Variants in AP4E1 observed in about 807,000 individuals in gnomAD.
AP4E1 encodes AP-4 complex subunit epsilon-1.
AP4E1 carries 56 observed loss-of-function variants against 128.2 expected under a neutral mutation model. The ratio of observed to expected loss-of-function variants is 0.44; its 90% confidence interval spans 0.35 to 0.55. The LOEUF (loss-of-function observed/expected upper bound fraction) is 0.55. Ranked by LOEUF, AP4E1 falls within the 20% of genes least tolerant of loss-of-function variation. The pLI is 0.00. For synonymous variants in AP4E1, 484 were observed against 473.1 expected (o/e 1.02, Z -0.30); for missense variants, 1,324 against 1,307.7 (o/e 1.01, Z -0.19).
chr15:50,946,332 TTA>T (rs2064061643), intron 10 of AP4E1, among the ~76,000 whole-genome samples: 1 of 152,216 alleles, frequency 6.6e-6, no homozygotes, highest in Non-Finnish European at 1.5e-5. Context: ...CAAACGTCTC[TTA>T]TGTTATCTTT....
chr15:50,969,255 C>T (rs576063149), intron 15 of AP4E1, among the ~76,000 whole-genome samples: 7 of 152,226 alleles, frequency 4.6e-5, no homozygotes, highest in Admixed American at 1.3e-4. Flanking sequence ...CGAGAACATG[C>T]GGTATTTGGC....
chr15:50,993,416 G>A lies in AP4E1; in HGVS notation c.2137G>A (p.Glu713Lys), dbSNP rs2064828330. 1.9e-6 allele frequency: 3 copies of A among 1,613,904 alleles called. No homozygotes were observed. The highest frequency in any genetic ancestry group is 2.5e-6 in the Non-Finnish European group (3 of 1,179,964). ...AGGTATAAAGAAATTGTGGGGGAAAGAAGGCTATCTTCCCAAGAAGGAAAG... is the reference window on the plus strand; with the variant it reads ...AGGTATAAAGAAATTGTGGGGGAAAAAAGGCTATCTTCCCAAGAAGGAAAG... ...LEGIKKLWGK[E>K]GYLPKKESKT... The change falls in exon 17 of 21, where the codon GAA becomes AAA. Residue 713 changes from glutamate (E) to lysine (K), a missense_variant. Coordinates refer to ENST00000261842, the MANE Select transcript of AP4E1 (RefSeq NM_007347.5).
intron 10 of AP4E1, among the ~76,000 whole-genome samples, 164 bp downstream of exon 10, chr15:50,941,939 C>T (rs1449324689): frequency 2.0e-5 from 3 of 152,112 alleles, no homozygotes; most frequent in Non-Finnish European, 4.4e-5. Context: ...TATTTTGAGA[C>T]AGAATCTCAC....
intron 13 of AP4E1, among the ~76,000 whole-genome samples, chr15:50,950,545 G>A (rs1329382990): frequency 6.6e-6 from 1 of 151,836 alleles, no homozygotes; most frequent in Non-Finnish European, 1.5e-5. Context: ...TCTTTAAGAG[G>A]CATTTTCAAC....
intron 13 of AP4E1, among the ~76,000 whole-genome samples, chr15:50,951,484 A>G (rs574574474): frequency 4.1e-4 from 63 of 152,262 alleles, no homozygotes; most frequent in Non-Finnish European, 7.2e-4. Context: ...AATTGCATAC[A>G]GGTCATTACC....
At chr15:50,984,812 G>GGTAT (rs2064694897) in intron 16 of AP4E1, among the ~76,000 whole-genome samples, 1 of 151,976 alleles carries the variant, frequency 6.6e-6, no homozygotes, top group African/African-American at 2.4e-5. Context: ...TACTCCTTTG[G>GGTAT]GTATATACCC....
At chr15:50,996,571 A>G (rs2140933334) in intron 17 of AP4E1, among the ~76,000 whole-genome samples, 1 of 152,262 alleles carries the variant, frequency 6.6e-6, no homozygotes, top group East Asian at 1.9e-4. Context: ...CATGTAAAGG[A>G]TGCTGTGTAG....
intron 2 of AP4E1, among the ~76,000 whole-genome samples, chr15:50,915,175 A>G (rs1226642571): frequency 6.6e-6 from 1 of 152,206 alleles, no homozygotes; most frequent in South Asian, 2.1e-4. Flanking sequence ...ATTTTTCACT[A>G]GGGACACATA....
intron 12 of AP4E1, 21 bp from the exon 13 acceptor site, chr15:50,950,030 G>A: frequency 1.3e-6 from 2 of 1,590,972 alleles, no homozygotes; most frequent in Non-Finnish European, 1.7e-6. Context: ...AAATTAAAAT[G>A]GTGTATCAAT....
intron 8 of AP4E1, among the ~76,000 whole-genome samples, chr15:50,937,535 A>G (rs997928977): frequency 8.5e-5 from 13 of 152,348 alleles, no homozygotes; most frequent in Admixed American, 7.8e-4. Context: ...TAGTGGAAAG[A>G]TAACTTGTTC....
At chr15:50,997,929 T>G (rs951493871) in intron 18 of AP4E1, 46 bp downstream of exon 18, 13 of 1,456,440 alleles carry the variant, frequency 8.9e-6, no homozygotes, top group Non-Finnish European at 1.2e-5. Flanking sequence ...GTATATTTTG[T>G]GTTCTCTTTT....
chr15:50,942,952 G>A (rs1380464384), intron 10 of AP4E1, among the ~76,000 whole-genome samples: 2 of 152,016 alleles, frequency 1.3e-5, no homozygotes, highest in Non-Finnish European at 2.9e-5. Flanking sequence ...GACATTTTAT[G>A]TAATGCTGAG....
intron 17 of AP4E1, among the ~76,000 whole-genome samples, chr15:50,996,341 C>T (rs1225318777): frequency 6.6e-6 from 1 of 151,832 alleles, no homozygotes; most frequent in African/African-American, 2.4e-5. Flanking sequence ...CTGAAAATAA[C>T]TACTATTTGA....
intron 7 of AP4E1, among the ~76,000 whole-genome samples, chr15:50,932,091 C>T (rs1324583368): frequency 2.0e-5 from 3 of 151,910 alleles, no homozygotes; most frequent in Non-Finnish European, 2.9e-5. Context: ...GAGATTTTCC[C>T]ACCTCAGTTT....
At chr15:50,961,916 A>C (rs1197341031) in intron 14 of AP4E1, among the ~76,000 whole-genome samples, 3 of 152,026 alleles carry the variant, frequency 2.0e-5, no homozygotes, top group Non-Finnish European at 4.4e-5. Context: ...TCCAGGATAC[A>C]AAAATCAACA....
Position 50,950,071 on chromosome 15 carries a change from G to T in AP4E1, c.1450G>T (p.Asp484Tyr). 6.2e-7 allele frequency: 1 copy of T among 1,612,942 alleles called. No homozygotes were observed. The highest frequency in any genetic ancestry group is 8.5e-7 in the Non-Finnish European group (1 of 1,179,236). ...TGTAGGTTTTGATGATGAAACAGAA[G>T]ATCAGCAATTAAGACTCTATGCAGT... ...LAEGFDDETE[D>Y]QQLRLYAVQS... The change falls in exon 13 of 21, where the codon GAT becomes TAT. Residue 484 changes from aspartate (D) to tyrosine (Y), a missense_variant. By Grantham distance (160) the Asp-to-Tyr change is radical. Transcript: ENST00000261842.
chr15:50,978,541 G>A (rs1315991403), intron 15 of AP4E1, among the ~76,000 whole-genome samples: 1 of 152,060 alleles, frequency 6.6e-6, no homozygotes, highest in East Asian at 1.9e-4. Flanking sequence ...TTAATAATAA[G>A]GGATACAAAT....
At chr15:50,965,010 T>C (rs1433676747) in intron 14 of AP4E1, among the ~76,000 whole-genome samples, 1 of 128,122 alleles carries the variant, frequency 7.8e-6, no homozygotes, top group Non-Finnish European at 1.7e-5. Flanking sequence ...TCCCTTTCGC[T>C]CCTGCTTTCG....
At chr15:50,953,678 C>A (rs111414511) in intron 13 of AP4E1, among the ~76,000 whole-genome samples, 1 of 152,004 alleles carries the variant, frequency 6.6e-6, no homozygotes, top group Admixed American at 6.6e-5. Flanking sequence ...ACAAGAGTTG[C>A]GATGCTGGCA....
Sources: gnomAD v4.1 joint callset for allele counts (sites outside exome capture counted in the v4.1 genomes callset) on GRCh38, gnomAD v4.1.1 for gene constraint, MANE v1.5 for transcripts, NCBI Gene and HGNC (gene_info 2026-07-23, HGNC 2026-07-21) for gene names.